ATF7IP2: variants seen among roughly 807,000 people sequenced by gnomAD.
The protein encoded by ATF7IP2 is activating transcription factor 7-interacting protein 2.
In ATF7IP2, 42 loss-of-function variants were observed where a neutral mutation model predicts 64.2. The ratio of observed to expected loss-of-function variants is 0.65; its 90% CI spans 0.51 to 0.85. The LOEUF (loss-of-function observed/expected upper bound fraction) is 0.85, where lower values mean the gene tolerates loss of function less well. ATF7IP2 is among the 40% of genes least tolerant of loss of function. The pLI is 0.00. For missense variants in ATF7IP2, 933 were observed against 784.2 expected (o/e 1.19, Z -2.27); for synonymous variants, 308 against 272.8 (o/e 1.13, Z -1.27).
intron 1 of ATF7IP2, among the ~76,000 whole-genome samples, chr16:10,397,851 T>C (rs1450735369): frequency 7.0e-6 from 1 of 143,470 alleles, no homozygotes; most frequent in East Asian, 2.0e-4. Flanking sequence ...GAGTGAGACC[T>C]CATTTCAAAA....
chr16:10,429,308 T>C (rs914321262), intron 4 of ATF7IP2, among the ~76,000 whole-genome samples: 1 of 151,902 alleles, frequency 6.6e-6, no homozygotes, highest in African/African-American at 2.4e-5. Context: ...TAATGAAGAG[T>C]ATTGTGCTGT....
chr16:10,429,356 G>C (rs921551372), intron 4 of ATF7IP2, among the ~76,000 whole-genome samples: 1 of 152,090 alleles, frequency 6.6e-6, no homozygotes, highest in Non-Finnish European at 1.5e-5. Context: ...AGGTTTGTTT[G>C]TGTGTTTGTT....
chr16:10,471,036 G>A (rs2049780989), intron 9 of ATF7IP2, among the ~76,000 whole-genome samples: 1 of 152,076 alleles, frequency 6.6e-6, no homozygotes, highest in Non-Finnish European at 1.5e-5. Flanking sequence ...ACACACTAGA[G>A]ACTGCACATG....
intron 9 of ATF7IP2, among the ~76,000 whole-genome samples, chr16:10,468,927 C>G (rs1279550645): frequency 2.0e-5 from 3 of 152,126 alleles, no homozygotes; most frequent in African/African-American, 7.2e-5. Flanking sequence ...TAGTGGGGCT[C>G]AATTAGTCCC....
At chr16:10,450,952 C>G (rs910454438) in intron 8 of ATF7IP2, among the ~76,000 whole-genome samples, 1 of 152,166 alleles carries the variant, frequency 6.6e-6, no homozygotes, top group Non-Finnish European at 1.5e-5. Context: ...GTGGCTGGTA[C>G]TGGTTGTTCC....
chr16:10,444,388 G>T (rs549435873), intron 8 of ATF7IP2, among the ~76,000 whole-genome samples: 50 of 152,070 alleles, frequency 3.3e-4, no homozygotes, highest in Non-Finnish European at 6.6e-4. Flanking sequence ...CACTAGATAA[G>T]GTCTCCCAGG....
chr16:10,467,006 G>C (rs1167563906), intron 9 of ATF7IP2, among the ~76,000 whole-genome samples: 1 of 151,798 alleles, frequency 6.6e-6, no homozygotes, highest in Non-Finnish European at 1.5e-5. Flanking sequence ...AAATTGTTGA[G>C]GCTGTAAGTG....
intron 6 of ATF7IP2, among the ~76,000 whole-genome samples, chr16:10,437,407 C>T (rs1309096452): frequency 6.6e-6 from 1 of 152,066 alleles, no homozygotes; most frequent in Non-Finnish European, 1.5e-5. Context: ...AGAAAGCCAC[C>T]CCCTAAAACA....
rs1567180028 is a variant in ATF7IP2 at position 10,477,600 on chromosome 16, G to A, written c.1550-3279G>A. On this transcript the variant is annotated intron_variant, in intron 12 of 13. Transcript: ENST00000562102. ...TTGAATACTGGCACAAGACAGGGATGCCCTCTCTCACCGCTCCTATTCAAC... is the reference window on the plus strand; with the variant it reads ...TTGAATACTGGCACAAGACAGGGATACCCTCTCTCACCGCTCCTATTCAAC... Among the ~76,000 whole-genome samples, 3 of 152,176 alleles carry A rather than the reference G, an allele frequency of 2.0e-5. 1 individual carries two copies. In the South Asian group the frequency reaches 6.2e-4, roughly 32 times the overall value.
At chr16:10,454,618 T>C (rs2049106729) in intron 8 of ATF7IP2, among the ~76,000 whole-genome samples, 2 of 152,124 alleles carry the variant, frequency 1.3e-5, no homozygotes, top group Non-Finnish European at 1.5e-5. Context: ...TTACTGACTT[T>C]AGTTATAATT....
At chr16:10,481,109 T>G in intron 13 of ATF7IP2, 145 bp downstream of exon 13, 1 of 617,136 alleles carries the variant, frequency 1.6e-6, no homozygotes. Flanking sequence ...TTTATACAAT[T>G]AAAATTATTC....
intron 1 of ATF7IP2, among the ~76,000 whole-genome samples, chr16:10,396,446 G>A (rs1282028840): frequency 6.6e-6 from 1 of 152,070 alleles, no homozygotes; most frequent in Non-Finnish European, 1.5e-5. Context: ...ATCTAAAAAA[G>A]GTCATCGTGC....
Position 10,430,878 on chromosome 16 carries a change from G to A in ATF7IP2, c.258G>A (p.Glu86=), listed in dbSNP as rs2048223854. The A allele has an allele frequency of 4.3e-6, 7 of 1,613,802 alleles. No individual in the cohort carries two copies. The South Asian group carries it at 7.7e-5, about 18-fold the overall frequency. ...ACTCTAATAAAAATTCAATATCAGA[G>A]AAAAGTAAAGTATTCTCTCAGAATT... ...SLDSNKNSIS[E]KSKVFSQNCI... is the part of the protein sequence containing the mutation. The change falls in exon 5 of 14, where the codon GAG becomes GAA. Residue 86 remains glutamate, a synonymous_variant. Transcript: ENST00000562102.
At chr16:10,402,861 G>T (rs1385750255) in intron 1 of ATF7IP2, among the ~76,000 whole-genome samples, 11 of 151,538 alleles carry the variant, frequency 7.3e-5, no homozygotes. Flanking sequence ...TTTGCTTGAG[G>T]TGAGGAGTTC....
chr16:10,465,986 G>C (rs1244875379), intron 9 of ATF7IP2, among the ~76,000 whole-genome samples: 10 of 152,166 alleles, frequency 6.6e-5, no homozygotes, highest in African/African-American at 2.2e-4. Context: ...CAGAGTGACA[G>C]ATGACCCAGA....
intron 8 of ATF7IP2, among the ~76,000 whole-genome samples, chr16:10,456,165 G>C (rs2049159262): frequency 1.3e-5 from 2 of 151,736 alleles, no homozygotes; most frequent in Non-Finnish European, 2.9e-5. Flanking sequence ...GGTTTGGCCT[G>C]ATTTCCTCTT....
intron 9 of ATF7IP2, among the ~76,000 whole-genome samples, chr16:10,471,382 G>C (rs959714288): frequency 6.6e-6 from 1 of 152,104 alleles, no homozygotes; most frequent in Non-Finnish European, 1.5e-5. Context: ...AGAAAAATTA[G>C]CCGGGCATGG....
chr16:10,475,776 C>T (rs1268951735), intron 12 of ATF7IP2, among the ~76,000 whole-genome samples: 2 of 81,252 alleles, frequency 2.5e-5, no homozygotes, highest in Non-Finnish European at 5.3e-5. Flanking sequence ...TAATAGAGAA[C>T]AAAAGGCAAA....
intron 1 of ATF7IP2, among the ~76,000 whole-genome samples, chr16:10,404,257 TG>T (rs1483712240): frequency 6.6e-6 from 1 of 152,206 alleles, no homozygotes; most frequent in Non-Finnish European, 1.5e-5. Flanking sequence ...AATAATCTTT[TG>T]TTTTTCCTTT....
Sources: allele counts gnomAD v4.1 joint callset (sites outside exome capture counted in the v4.1 genomes callset), GRCh38; gene constraint gnomAD v4.1.1; transcripts MANE v1.5; gene names NCBI Gene and HGNC (gene_info 2026-07-23, HGNC 2026-07-21).